VNN1: variants seen among roughly 807,000 people sequenced by gnomAD.
VNN1 encodes the protein pantetheinase.
A neutral mutation model predicts 41.9 loss-of-function variants in VNN1; 29 were observed. The ratio of observed to expected loss-of-function variants is 0.69; its 90% CI spans 0.52 to 0.94. The LOEUF (loss-of-function observed/expected upper bound fraction) is 0.94, where lower values mean the gene tolerates loss of function less well. Ranked by LOEUF, VNN1 falls within the 40% of genes least tolerant of loss-of-function variation. The pLI is 0.00. For missense variants in VNN1, 637 were observed against 621.1 expected (o/e 1.03, Z -0.27); for synonymous variants, 233 against 224.4 (o/e 1.04, Z -0.34).
In VNN1 at chr6:132,682,824, A is replaced by G; in HGVS notation, c.*316T>C. 5.8e-6 allele frequency: 1 copy of G among 172,840 alleles called. No homozygotes were observed. The highest frequency in any genetic ancestry group is 1.2e-5 in the Non-Finnish European group (1 of 82,352). 10.7% of individuals were successfully genotyped at this position (172,840 alleles called of 1,614,324 possible). ...TGGTAACAAGAGCAGCCTCCTTGTAAGTAAATTTTATGATAGTTCTTATGT... is the reference window on the plus strand; with the variant it reads ...TGGTAACAAGAGCAGCCTCCTTGTAGGTAAATTTTATGATAGTTCTTATGT... On this transcript the variant is annotated 3_prime_UTR_variant, in exon 7 of 7. Coordinates refer to ENST00000367928, the MANE Select transcript of VNN1 (RefSeq NM_004666.3).
intron 2 of VNN1, among the ~76,000 whole-genome samples, chr6:132,696,892 T>C (rs189374375): frequency 2.0e-5 from 3 of 151,840 alleles, no homozygotes; most frequent in South Asian, 2.1e-4. Flanking sequence ...ACACCTGAGG[T>C]CAGGAGATCG....
intron 5 of VNN1, among the ~76,000 whole-genome samples, chr6:132,684,880 C>A (rs1778185471): frequency 6.6e-6 from 1 of 152,178 alleles, no homozygotes; most frequent in Non-Finnish European, 1.5e-5. Flanking sequence ...GGGCTTTAAG[C>A]CCCAGTGCCT....
intron 6 of VNN1, 108 bp downstream of exon 6, chr6:132,684,227 C>A (rs1275557307): frequency 1.7e-6 from 2 of 1,207,890 alleles, no homozygotes; most frequent in Non-Finnish European, 2.3e-6. Context: ...TAATCTTAAC[C>A]TTTCTAAATG....
At chr6:132,701,791 C>T (rs539507509) in intron 2 of VNN1, among the ~76,000 whole-genome samples, 1 of 152,348 alleles carries the variant, frequency 6.6e-6, no homozygotes, top group East Asian at 1.9e-4. Context: ...CAATACCACT[C>T]TCCCCCATCC....
At chr6:132,687,440 C>T (rs1778225032) in intron 5 of VNN1, among the ~76,000 whole-genome samples, 1 of 152,166 alleles carries the variant, frequency 6.6e-6, no homozygotes, top group Admixed American at 6.5e-5. Flanking sequence ...AGGAAATCCA[C>T]ACAGGGAAGT....
chr6:132,694,950 C>T (rs944391122), intron 2 of VNN1, among the ~76,000 whole-genome samples: 9 of 151,954 alleles, frequency 5.9e-5, no homozygotes, highest in Non-Finnish European at 1.0e-4. Context: ...GTCAGGAGTT[C>T]GAGACCAGCC....
chr6:132,701,689 C>T (rs910981147), intron 2 of VNN1, among the ~76,000 whole-genome samples: 4 of 152,248 alleles, frequency 2.6e-5, no homozygotes, highest in Non-Finnish European at 4.4e-5. Context: ...TCATAAGAAC[C>T]AAAAATCAGA....
chr6:132,700,735 C>A (rs930856953), intron 2 of VNN1, among the ~76,000 whole-genome samples: 3 of 152,060 alleles, frequency 2.0e-5, no homozygotes, highest in Admixed American at 6.5e-5. Context: ...TTTTTCTACT[C>A]GAAACTAAAT....
intron 5 of VNN1, among the ~76,000 whole-genome samples, chr6:132,688,441 G>T (rs1216225300): frequency 6.6e-6 from 1 of 152,124 alleles, no homozygotes; most frequent in Admixed American, 6.5e-5. Flanking sequence ...CAGAAAGCTT[G>T]GTTTTACTTG....
In VNN1 at chr6:132,692,204, T is replaced by A. The variant is rs1410034402; in HGVS notation, c.1188+19A>T. 6.5e-7 allele frequency: 1 copy of A among 1,526,924 alleles called. No individual in the cohort carries two copies. The highest frequency in any genetic ancestry group is 8.8e-7 in the Non-Finnish European group (1 of 1,140,094). 94.6% of individuals were successfully genotyped at this position (1,526,924 alleles called of 1,614,324 possible). ...TGTCTTTATTTTATCCAGTAACTCT[T>A]CTGACATCAAAATATTACCTGTAGA... On this transcript the variant is annotated intron_variant, in intron 5 of 6. Coordinates refer to ENST00000367928, the MANE Select transcript of VNN1 (RefSeq NM_004666.3).
intron 2 of VNN1, among the ~76,000 whole-genome samples, chr6:132,695,150 C>T (rs1276207985): frequency 6.6e-6 from 1 of 151,978 alleles, no homozygotes; most frequent in African/African-American, 2.4e-5. Flanking sequence ...GAGACTCCAT[C>T]TCAAAAAAAA....
Position 132,714,008 on chromosome 6 carries a change from C to T in VNN1, c.28G>A (p.Ala10Thr), listed in dbSNP as rs1778638568. 2 of 1,613,652 alleles carry T rather than the reference C, an allele frequency of 1.2e-6. No individual in the cohort carries two copies. The highest frequency in any genetic ancestry group is 1.7e-6 in the Non-Finnish European group (2 of 1,179,810). ...CTTGAGACATAGAAAAGCAAAATTGCCACGTAAGCTGGCAACTGAGTAGTC... is the reference window on the plus strand; with the variant it reads ...CTTGAGACATAGAAAAGCAAAATTGTCACGTAAGCTGGCAACTGAGTAGTC... MTTQLPAYVAILLFYVSRAS... is the reference protein window; with the variant it reads MTTQLPAYVTILLFYVSRAS... Residue 10 changes from alanine (A) to threonine (T), a missense_variant, in exon 1 of 7, where the codon GCA (alanine) becomes ACA (threonine). Ala to Thr is a moderately conservative substitution (Grantham distance 58). Transcript: ENST00000367928.
chr6:132,684,495 A>T lies in VNN1; in HGVS notation c.1199T>A (p.Leu400Gln), dbSNP rs769846721. 1.2e-6 allele frequency: 2 copies of T among 1,613,872 alleles called. No homozygotes were observed. Among genetic ancestry groups the T allele is most frequent in the South Asian group, 2.2e-5 (2 of 91,060 alleles). Reference sequence around the variant, plus strand: ...TAAATTAGTCGTTTTACATTTCAACAGGGTACAAATCTAGGGAAGTCATGA... The same window carrying T: ...TAAATTAGTCGTTTTACATTTCAACTGGGTACAAATCTAGGGAAGTCATGA... The part of the protein sequence containing the change: ...EGRYYLQICT[L>Q]LKCKTTNLNT... Residue 400 changes from leucine to glutamine, a missense_variant, in exon 6 of 7, where the codon CTG becomes CAG. Leu to Gln is a moderately radical substitution (Grantham distance 113). Transcript: ENST00000367928.
At chr6:132,699,976 G>T (rs563157750) in intron 2 of VNN1, among the ~76,000 whole-genome samples, 4 of 152,134 alleles carry the variant, frequency 2.6e-5, no homozygotes, top group African/African-American at 7.2e-5. Context: ...CACTAAAATT[G>T]TGTTTTTATT....
At position 132,711,781 on chromosome 6, in the gene VNN1, TC is replaced by T; in HGVS notation, c.268del (p.Asp90ThrfsTer15). On this transcript the variant is annotated frameshift_variant, in exon 2 of 7. Transcript: ENST00000367928. LOFTEE classifies it high-confidence loss of function. ...GTCCTCCAAATATGGGTAGAGAGAG[TC>T]CCTGTTGAAGTTCCAGCCATAAATA... ...DAIYGWNFNRDSLYPYLEDIP... is the reference protein window; with the variant it reads ...DAIYGWNFNRXSLYPYLEDIP... 1.2e-6 allele frequency: 2 copies of T among 1,613,658 alleles called. No homozygotes were observed. Among genetic ancestry groups the T allele is most frequent in the Non-Finnish European group, 1.7e-6 (2 of 1,179,834 alleles).
At chr6:132,685,295 T>G (rs1778190076) in intron 5 of VNN1, among the ~76,000 whole-genome samples, 1 of 152,234 alleles carries the variant, frequency 6.6e-6, no homozygotes, top group African/African-American at 2.4e-5. Context: ...CCATATTCAT[T>G]TAATGCCATC....
At chr6:132,699,087 C>G (rs542865101) in intron 2 of VNN1, 2 of 277,828 alleles carry the variant, frequency 7.2e-6, no homozygotes, top group Non-Finnish European at 1.5e-5. Context: ...TTCTTCTATT[C>G]GGCTGTAAAA....
chr6:132,711,579 G>A, intron 2 of VNN1, 130 bp downstream of exon 2: 1 of 1,069,424 alleles, frequency 9.4e-7, no homozygotes, highest in Middle Eastern at 3.2e-4. Context: ...TATACCCATA[G>A]TAGATGAAAA....
intron 1 of VNN1, among the ~76,000 whole-genome samples, chr6:132,713,567 T>C (rs45439797): frequency 2.9e-4 from 44 of 152,360 alleles, no homozygotes; most frequent in African/African-American, 1.1e-3. Flanking sequence ...ATGTTGAATT[T>C]ATGGCCAGTT....
Sources: allele counts gnomAD v4.1 joint callset (sites outside exome capture counted in the v4.1 genomes callset), GRCh38; gene constraint gnomAD v4.1.1; transcripts MANE v1.5; gene names NCBI Gene and HGNC (gene_info 2026-07-23, HGNC 2026-07-21).